RBFOX1: variants seen among roughly 807,000 people sequenced by gnomAD.
The protein encoded by RBFOX1 is RNA binding fox-1 homolog 1.
In RBFOX1, 8 loss-of-function variants were observed where a neutral mutation model predicts 57.7. The observed-to-expected ratio is 0.14, with a 90% CI of 0.08 to 0.25. The LOEUF is 0.25. RBFOX1 is among the 10% of genes least tolerant of loss of function. The probability of loss-of-function intolerance (pLI) is 1.00; values close to 1 mark genes in which losing one functional copy is unlikely to be tolerated. For missense variants in RBFOX1, 611 were observed against 548.5 expected, an observed-to-expected ratio of 1.11 and a Z score of -1.14; for synonymous variants, 326 against 222.4, an observed-to-expected ratio of 1.47 and a Z score of -4.15.
chr16:7,339,315 A>G (rs1245018897), intron 4 of RBFOX1, among the ~76,000 whole-genome samples: 8 of 152,234 alleles, frequency 5.3e-5, no homozygotes, highest in Non-Finnish European at 8.8e-5. Context: ...GTGATGTGGT[A>G]GAATAGAACA....
At chr16:7,106,103 G>T (rs549493262) in intron 4 of RBFOX1, among the ~76,000 whole-genome samples, 9 of 152,248 alleles carry the variant, frequency 5.9e-5, no homozygotes, top group African/African-American at 1.9e-4. Context: ...ATTCCTCCTT[G>T]TCCTTTGAAA....
At chr16:7,415,189 C>A (rs2098466475) in intron 4 of RBFOX1, among the ~76,000 whole-genome samples, 2 of 152,220 alleles carry the variant, frequency 1.3e-5, no homozygotes, top group African/African-American at 4.8e-5. Context: ...ACAATCCTGG[C>A]TGTGCCTTCA....
At chr16:5,646,871 G>A (rs1490425859) in intron 3 of RBFOX1, among the ~76,000 whole-genome samples, 4 of 152,022 alleles carry the variant, frequency 2.6e-5, no homozygotes, top group Admixed American at 2.6e-4. Flanking sequence ...TTGACCTCAT[G>A]ATCTGCCTGC....
At chr16:5,249,814 C>G (rs2062400506) in intron 1 of RBFOX1, among the ~76,000 whole-genome samples, 1 of 152,182 alleles carries the variant, frequency 6.6e-6, no homozygotes, top group Admixed American at 6.5e-5. Flanking sequence ...CAAAAGTTAG[C>G]TGGGCTTGGT....
intron 3 of RBFOX1, among the ~76,000 whole-genome samples, chr16:5,789,033 C>G (rs985769311): frequency 2.0e-5 from 3 of 152,148 alleles, no homozygotes; most frequent in African/African-American, 7.2e-5. Context: ...GCAGTCCAAA[C>G]TAGTGAAAAG....
chr16:7,398,661 C>G (rs539305336), intron 4 of RBFOX1, among the ~76,000 whole-genome samples: 1 of 152,304 alleles, frequency 6.6e-6, no homozygotes, highest in East Asian at 1.9e-4. Context: ...CAATTTTGAG[C>G]TTGAAACTTA....
chr16:5,407,705 C>T (rs545519606), intron 1 of RBFOX1, among the ~76,000 whole-genome samples: 225 of 152,282 alleles, frequency 1.5e-3, no homozygotes, highest in African/African-American at 5.2e-3. Context: ...CCCACCACCA[C>T]GCTGGGCTAA....
intron 1 of RBFOX1, among the ~76,000 whole-genome samples, chr16:5,265,475 A>T (rs2151108798): frequency 6.6e-6 from 1 of 152,324 alleles, no homozygotes; most frequent in Non-Finnish European, 1.5e-5. Flanking sequence ...TAATCATGAG[A>T]ACCCAGAGAA....
At chr16:6,895,446 GTGTATATATATATATATATATATATA>G (rs1165545162) in intron 3 of RBFOX1, among the ~76,000 whole-genome samples, 1 of 57,100 alleles carries the variant, frequency 1.8e-5, no homozygotes, top group East Asian at 5.1e-4. Flanking sequence ...GTGTGTGTGT[GTGTATATATATATATATATATATATA>G]TATATATATA....
intron 3 of RBFOX1, among the ~76,000 whole-genome samples, chr16:5,684,581 C>G (rs1206380246): frequency 2.0e-5 from 3 of 152,152 alleles, no homozygotes; most frequent in Non-Finnish European, 4.4e-5. Flanking sequence ...AGGACGGACA[C>G]TTGTTTATAA....
At chr16:5,445,723 G>C (rs956062262) in intron 1 of RBFOX1, among the ~76,000 whole-genome samples, 7 of 152,174 alleles carry the variant, frequency 4.6e-5, no homozygotes. Flanking sequence ...CATTTTCAGA[G>C]CATATTTATT....
chr16:6,895,374 GT>G (rs1343539898), intron 3 of RBFOX1, among the ~76,000 whole-genome samples: 1 of 144,318 alleles, frequency 6.9e-6, no homozygotes, highest in East Asian at 2.1e-4. Context: ...GAACTAACTG[GT>G]TTACCCTCTT....
At chr16:6,515,539 A>G (rs1343174456) in intron 2 of RBFOX1, among the ~76,000 whole-genome samples, 2 of 152,188 alleles carry the variant, frequency 1.3e-5, no homozygotes, top group Admixed American at 1.3e-4. Context: ...TTCCCTTGAG[A>G]GCAGACATTT....
chr16:6,014,562 C>T (rs1017073628), upstream of RBFOX1, among the ~76,000 whole-genome samples: 4 of 152,100 alleles, frequency 2.6e-5, no homozygotes, highest in African/African-American at 9.7e-5. Flanking sequence ...GCCATGTGCC[C>T]AAGGACTGAG....
chr16:7,183,130 C>G (rs183312804), intron 4 of RBFOX1, among the ~76,000 whole-genome samples: 9 of 152,236 alleles, frequency 5.9e-5, no homozygotes, highest in African/African-American at 1.9e-4. Context: ...CAGCTGGGAT[C>G]AGTATTCAAC....
In RBFOX1 at chr16:5,782,671, C is replaced by T. The variant is rs146282149; in HGVS notation, c.319-84632C>T. Among the ~76,000 whole-genome samples, 577 of 152,258 alleles carry T rather than the reference C, an allele frequency of 3.8e-3. 4 individuals are homozygous for T. The highest frequency in any genetic ancestry group is 0.013 in the African/African-American group (525 of 41,552). ...GTGTGAGAGTGTGGGTATGTGTATGCATGCATGTGCGTTCCTGTTATGAAG... is the reference window on the plus strand; with the variant it reads ...GTGTGAGAGTGTGGGTATGTGTATGTATGCATGTGCGTTCCTGTTATGAAG... On this transcript the variant is annotated intron_variant, in intron 3 of 19. Transcript: ENST00000641259.
At chr16:6,594,325 A>T (rs566261739) in intron 2 of RBFOX1, among the ~76,000 whole-genome samples, 1 of 152,308 alleles carries the variant, frequency 6.6e-6, no homozygotes, top group African/African-American at 2.4e-5. Context: ...GGCCGACAAG[A>T]TCCCATATTT....
At chr16:7,114,294 A>G (rs2065414793) in intron 4 of RBFOX1, among the ~76,000 whole-genome samples, 1 of 152,090 alleles carries the variant, frequency 6.6e-6, no homozygotes, top group Non-Finnish European at 1.5e-5. Flanking sequence ...TTATATTCAA[A>G]CTGCAATGAA....
At chr16:6,404,510 A>T (rs536243915) in intron 2 of RBFOX1, among the ~76,000 whole-genome samples, 1 of 152,216 alleles carries the variant, frequency 6.6e-6, no homozygotes, top group Non-Finnish European at 1.5e-5. Context: ...GTTGTATACT[A>T]CAAATGGAGT....
Sources: allele counts gnomAD v4.1 joint callset (sites outside exome capture counted in the v4.1 genomes callset), GRCh38; gene constraint gnomAD v4.1.1; transcripts MANE v1.5; gene names NCBI Gene and HGNC (gene_info 2026-07-23, HGNC 2026-07-21).